The following MMP26 variants were observed in gnomAD, a reference collection of about 807,000 sequenced individuals.
The protein encoded by MMP26 is matrix metallopeptidase 26.
A neutral mutation model predicts 31.0 loss-of-function variants in MMP26; 33 were observed. The ratio of observed to expected loss-of-function variants is 1.06; its 90% CI spans 0.81 to 1.42. The LOEUF (loss-of-function observed/expected upper bound fraction) is 1.42. Among genes scored for constraint, MMP26 ranks in the 40% most tolerant of loss-of-function variants. The probability of loss-of-function intolerance (pLI) is 0.00; values close to 1 mark genes in which losing one functional copy is unlikely to be tolerated. For missense variants in MMP26, 347 were observed against 316.1 expected, an observed-to-expected ratio of 1.10 and a Z score of -0.74; for synonymous variants, 122 against 114.9, an observed-to-expected ratio of 1.06 and a Z score of -0.40.
chr11:4,782,427 A>G (rs1045215434), intron 2 of MMP26, among the ~76,000 whole-genome samples: 15 of 152,174 alleles, frequency 9.9e-5, no homozygotes, highest in African/African-American at 3.6e-4. Context: ...GGGTATCTGG[A>G]GGAAGAAATT....
chr11:4,899,891 AG>A (rs764814536), intron 2 of MMP26, among the ~76,000 whole-genome samples: 81 of 152,208 alleles, frequency 5.3e-4, no homozygotes, highest in Non-Finnish European at 1.0e-3. Context: ...TTGCAGAAAT[AG>A]GAAACACAAA....
intron 2 of MMP26, among the ~76,000 whole-genome samples, chr11:4,984,534 C>A (rs529604102): frequency 6.6e-6 from 1 of 152,178 alleles, no homozygotes; most frequent in African/African-American, 2.4e-5. Flanking sequence ...TTTTACTGAA[C>A]ACTTTTATTA....
chr11:4,884,000 C>T (rs1324278063), intron 2 of MMP26, among the ~76,000 whole-genome samples: 1 of 152,098 alleles, frequency 6.6e-6, no homozygotes, highest in African/African-American at 2.4e-5. Flanking sequence ...AACACCACTC[C>T]CAATCTGGTT....
In MMP26 at chr11:4,838,357, G is replaced by T. The variant is rs538110567; in HGVS notation, c.-145+71016G>T. ...AAAAAAAAAAAAAAAAAAAAAAAAA[G>T]TATGATATGAATTGCTGTAATTTTT... On this transcript the variant is annotated intron_variant, in intron 2 of 7. Coordinates refer to ENST00000380390, the MANE Select transcript of MMP26 (RefSeq NM_021801.5). 5.1e-4 allele frequency among the ~76,000 whole-genome samples: 26 copies of T among 50,964 alleles called. No individual in the cohort carries two copies. The East Asian group carries it at 0.011, about 23-fold the overall frequency. 33.4% of individuals were successfully genotyped at this position (50,964 alleles called of 152,430 possible).
chr11:4,721,215 C>T (rs571161431), intron 1 of MMP26, among the ~76,000 whole-genome samples: 4 of 152,246 alleles, frequency 2.6e-5, no homozygotes, highest in Non-Finnish European at 4.4e-5. Context: ...GTGCTTGTAA[C>T]GCAAGCTCAA....
intron 2 of MMP26, chr11:4,822,350 T>C (rs755169239): frequency 6.7e-7 from 1 of 1,491,414 alleles, no homozygotes; most frequent in Admixed American, 2.4e-5. Flanking sequence ...AAGGTCTTAA[T>C]TCAGAAGCAC....
chr11:4,912,810 G>T (rs1851011265), intron 2 of MMP26: 1 of 152,002 alleles, frequency 6.6e-6, no homozygotes, highest in African/African-American at 2.4e-5. Flanking sequence ...ACTATAGAAT[G>T]CTAGAGAAGA....
chr11:4,841,919 G>T (rs1283454950), intron 2 of MMP26, among the ~76,000 whole-genome samples: 1 of 152,126 alleles, frequency 6.6e-6, no homozygotes, highest in African/African-American at 2.4e-5. Flanking sequence ...GGCAACAAGA[G>T]CAAAACTCTG....
At chr11:4,759,979 G>T (rs1479749684) in intron 1 of MMP26, among the ~76,000 whole-genome samples, 2 of 152,212 alleles carry the variant, frequency 1.3e-5, no homozygotes, top group Non-Finnish European at 2.9e-5. Flanking sequence ...GTAGACATAA[G>T]TTGGAATCTG....
At chr11:4,755,403 T>G (rs1848493848) in intron 1 of MMP26, among the ~76,000 whole-genome samples, 1 of 152,006 alleles carries the variant, frequency 6.6e-6, no homozygotes, top group African/African-American at 2.4e-5. Context: ...TAGTCTATAC[T>G]AAGGAATGTG....
rs1352939989 is a variant in MMP26 at position 4,782,196 on chromosome 11, GA to G, written c.-145+14858del. 1.5e-4 allele frequency among the ~76,000 whole-genome samples: 23 copies of G among 152,270 alleles called. 1 individual carries two copies. Among genetic ancestry groups the G allele is most frequent in the Admixed American group, 9.8e-4 (15 of 15,302 alleles). ...CTCAGAAGAAGACAGGAAAATGTGG[GA>G]AAGTTTAGAACTCCCTAGGGTCTTG... is the stretch of plus-strand genomic sequence containing the variant. On this transcript the variant is annotated intron_variant, in intron 2 of 7. Coordinates refer to ENST00000380390, the MANE Select transcript of MMP26 (RefSeq NM_021801.5).
At chr11:4,875,535 A>G (rs1850367988) in intron 2 of MMP26, 1 of 152,092 alleles carries the variant, frequency 6.6e-6, no homozygotes, top group South Asian at 2.1e-4. Flanking sequence ...TCCATCTTCT[A>G]AAGGCCACTA....
At chr11:4,889,298 G>T (rs879458009) in intron 2 of MMP26, among the ~76,000 whole-genome samples, 1 of 151,936 alleles carries the variant, frequency 6.6e-6, no homozygotes, top group Non-Finnish European at 1.5e-5. Flanking sequence ...ATACCTTAAA[G>T]TATCTCTAGA....
In MMP26 at chr11:4,990,626, C is replaced by T; in HGVS notation, c.349C>T (p.Pro117Ser). 6.2e-7 allele frequency: 1 copy of T among 1,613,156 alleles called. No individual in the cohort carries two copies. Among genetic ancestry groups the T allele is most frequent in the South Asian group, 1.1e-5 (1 of 90,898 alleles). Residue 117 changes from proline to serine, a missense_variant, in exon 5 of 8, where the codon CCA becomes TCA. Coordinates refer to ENST00000380390, the MANE Select transcript of MMP26 (RefSeq NM_021801.5). Reference sequence around the variant, plus strand: ...TATCAATTACCCACATGATATGAAGCCATCCGCAGTGAAAGACAGTATATA... The same window carrying T: ...TATCAATTACCCACATGATATGAAGTCATCCGCAGTGAAAGACAGTATATA... Reference protein sequence around the residue: ...RIINYPHDMKPSAVKDSIYNA... With the variant: ...RIINYPHDMKSSAVKDSIYNA...
At chr11:4,866,245 A>G (rs1850232709) in intron 2 of MMP26, among the ~76,000 whole-genome samples, 1 of 152,208 alleles carries the variant, frequency 6.6e-6, no homozygotes, top group African/African-American at 2.4e-5. Context: ...CAGTGGCAAC[A>G]CTTAGTGCAA....
At chr11:4,764,586 C>T (rs1015823345) in intron 1 of MMP26, among the ~76,000 whole-genome samples, 1 of 152,124 alleles carries the variant, frequency 6.6e-6, no homozygotes, top group Non-Finnish European at 1.5e-5. Flanking sequence ...ACAAAGAATA[C>T]TGGGCAGGGC....
At chr11:4,769,292 G>C in intron 2 of MMP26, 1 of 1,613,622 alleles carries the variant, frequency 6.2e-7, no homozygotes, top group South Asian at 1.1e-5. Flanking sequence ...ATCTATTCCA[G>C]TGGTCAGGAT....
intron 2 of MMP26, among the ~76,000 whole-genome samples, chr11:4,836,651 C>A (rs956905896): frequency 4.2e-5 from 4 of 95,960 alleles, no homozygotes; most frequent in Non-Finnish European, 6.2e-5. Flanking sequence ...TCAAAGACAT[C>A]TTTTTTTTTT....
At chr11:4,870,401 T>C (rs1042726164) in intron 2 of MMP26, among the ~76,000 whole-genome samples, 1 of 152,130 alleles carries the variant, frequency 6.6e-6, no homozygotes, top group Non-Finnish European at 1.5e-5. Flanking sequence ...AATAATTTCA[T>C]AAAGGATAAA....
Sources: allele counts gnomAD v4.1 joint callset (sites outside exome capture counted in the v4.1 genomes callset), GRCh38; gene constraint gnomAD v4.1.1; transcripts MANE v1.5; gene names NCBI Gene and HGNC (gene_info 2026-07-23, HGNC 2026-07-21).